ZNF362: variants seen among roughly 807,000 people sequenced by gnomAD.
The protein encoded by ZNF362 is rotund homolog.
Under a neutral mutation model 42.9 loss-of-function variants are expected in ZNF362, and 11 were observed. The ratio of observed to expected loss-of-function variants is 0.26; its 90% CI spans 0.16 to 0.42. ZNF362 has a LOEUF of 0.42. ZNF362 is among the 20% of genes least tolerant of loss of function. The probability of loss-of-function intolerance (pLI) is 1.00; values close to 1 mark genes in which losing one functional copy is unlikely to be tolerated. For synonymous variants in ZNF362, 255 were observed against 257.3 expected, an observed-to-expected ratio of 0.99 and a Z score of 0.09; for missense variants, 362 against 576.2, an observed-to-expected ratio of 0.63 and a Z score of 3.81.
intron 8 of ZNF362, among the ~76,000 whole-genome samples, chr1:33,296,447 C>T (rs1646125107): frequency 6.6e-6 from 1 of 152,146 alleles, no homozygotes; most frequent in South Asian, 2.1e-4. Flanking sequence ...CCTGCCACTC[C>T]TGGGTTCTCA....
chr1:33,187,952 G>A, the ZNF362 span, among the ~76,000 whole-genome samples: 2 of 152,132 alleles, frequency 1.3e-5, no homozygotes, highest in South Asian at 4.1e-4. Context: ...ACATGTAAGG[G>A]AGGCAGGGTG....
chr1:33,154,996 G>A, the ZNF362 span, among the ~76,000 whole-genome samples: 4 of 149,790 alleles, frequency 2.7e-5, no homozygotes, highest in East Asian at 8.1e-4. Context: ...GGGAGGCTGA[G>A]GCGGGAGAAT....
chr1:33,289,582 C>T lies in ZNF362; in HGVS notation c.909-5355C>T, dbSNP rs546488652. On this transcript the variant is annotated intron_variant, in intron 6 of 8. Coordinates refer to ENST00000539719, the MANE Select transcript of ZNF362 (RefSeq NM_152493.3). ...GGAGCTGAATCCACTGGAGGACTGT[C>T]GGTCAGTCAGTGAGCAAACCCTCAT... is the stretch of plus-strand genomic sequence containing the variant. Among the ~76,000 whole-genome samples the T allele has an allele frequency of 1.2e-4, 19 of 152,248 alleles. No homozygotes were observed. The South Asian group carries it at 3.1e-3, about 25-fold the overall frequency.
At chr1:33,134,978 TC>T in the ZNF362 span, among the ~76,000 whole-genome samples, 1 of 152,134 alleles carries the variant, frequency 6.6e-6, no homozygotes, top group Non-Finnish European at 1.5e-5. Context: ...ATGACCACCC[TC>T]CTTCCCTGAT....
intron 1 of ZNF362, among the ~76,000 whole-genome samples, chr1:33,263,569 C>T (rs965429689): frequency 1.3e-5 from 2 of 152,166 alleles, no homozygotes; most frequent in East Asian, 1.9e-4. Context: ...TGCCACCACA[C>T]CCGGCTAATC....
chr1:33,159,573 A>C, the ZNF362 span: 2 of 1,396,376 alleles, frequency 1.4e-6, no homozygotes, highest in Non-Finnish European at 1.9e-6. The surrounding 1 kb of genome is among the most constrained non-coding windows in gnomAD (Gnocchi z 4.2). Flanking sequence ...TGTTTGATGA[A>C]GATTTGAATG....
At chr1:33,241,046 G>C in the ZNF362 span, among the ~76,000 whole-genome samples, 1 of 150,644 alleles carries the variant, frequency 6.6e-6, no homozygotes. Flanking sequence ...TCCAAAGGGG[G>C]AATCTGTTGA....
In ZNF362 at chr1:33,273,705, G is replaced by A. The variant is rs115230553; in HGVS notation, c.39-2395G>A. Among the ~76,000 whole-genome samples the A allele has an allele frequency of 3.0e-3, 464 of 152,266 alleles. 1 individual carries two copies. The highest frequency in any genetic ancestry group is 0.01 in the African/African-American group (434 of 41,558). ...TTCTCATGCATGTGGCCTGAGCAAG[G>A]TGCCTCCCTCCTGGTGCCCTTGTTT... is the stretch of plus-strand genomic sequence containing the variant. On this transcript the variant is annotated intron_variant, in intron 2 of 8. Coordinates refer to ENST00000539719, the MANE Select transcript of ZNF362 (RefSeq NM_152493.3).
At chr1:33,185,552 T>G in the ZNF362 span, among the ~76,000 whole-genome samples, 2 of 152,158 alleles carry the variant, frequency 1.3e-5, no homozygotes, top group Non-Finnish European at 2.9e-5. Flanking sequence ...TACTTCCCAG[T>G]GTTCAGTCCT....
chr1:33,213,493 T>TTTA, the ZNF362 span, among the ~76,000 whole-genome samples: 1 of 152,094 alleles, frequency 6.6e-6, no homozygotes, highest in Non-Finnish European at 1.5e-5. Context: ...TGTTGGTGAA[T>TTTA]TTAAATAAGT....
In ZNF362 at chr1:33,294,846, G is replaced by C; in HGVS notation, c.909-91G>C. The C allele has an allele frequency of 6.9e-7, 1 of 1,440,574 alleles. No individual in the cohort carries two copies. The highest frequency in any genetic ancestry group is 9.7e-7 in the Non-Finnish European group (1 of 1,030,300). The allele number at this position is 1,440,574 out of a possible 1,614,324, so 89.2% of individuals were successfully genotyped here. A position where few individuals can be genotyped will look rare whatever the true frequency, so the allele number is the denominator to read the frequency against. ...GGAGCATGGGCAGGGTAGGGACCGA[G>C]AGGCTTAGGGGCCAGAGTAAGGACT... On this transcript the variant is annotated intron_variant, in intron 6 of 8. Coordinates refer to ENST00000539719, the MANE Select transcript of ZNF362 (RefSeq NM_152493.3). The surrounding 1 kb of genome is among the most constrained non-coding windows in gnomAD (Gnocchi z 4.2).
the ZNF362 span, among the ~76,000 whole-genome samples, chr1:33,148,306 A>C: frequency 6.6e-6 from 1 of 152,220 alleles, no homozygotes; most frequent in Non-Finnish European, 1.5e-5. Flanking sequence ...ATAAGAAACT[A>C]TAACCTAACT....
At chr1:33,197,993 G>A in the ZNF362 span, among the ~76,000 whole-genome samples, 1 of 152,186 alleles carries the variant, frequency 6.6e-6, no homozygotes, top group South Asian at 2.1e-4. Context: ...TTTAACTCTT[G>A]ACTAAATGCT....
At chr1:33,147,600 A>G in the ZNF362 span, 2 of 1,614,080 alleles carry the variant, frequency 1.2e-6, no homozygotes, top group East Asian at 2.2e-5. This position sits in a 1 kb window ranked among gnomAD's most constrained non-coding sequence, Gnocchi z 8.1. Flanking sequence ...ACACCTCCAC[A>G]TCGAAGCGCT....
chr1:33,280,171 AGCGCGGGCGCGG>A lies in ZNF362; in HGVS notation c.400_411del (p.Ala134_Gly137del), dbSNP rs761245001. The A allele has an allele frequency of 6.2e-7, 1 of 1,610,228 alleles. No homozygotes were observed. Among genetic ancestry groups the A allele is most frequent in the South Asian group, 1.1e-5 (1 of 90,582 alleles). ...CCCGTCTGTGAGCACTTCTGAGTCA[AGCGCGGGCGCGG>A]GCACGGGCACGGGTACCAGCACCCC... On this transcript the variant is annotated inframe_deletion, in exon 5 of 9. Coordinates refer to ENST00000539719, the MANE Select transcript of ZNF362 (RefSeq NM_152493.3). The surrounding 1 kb of genome is among the most constrained non-coding windows in gnomAD (Gnocchi z 5.6).
chr1:33,235,036 T>C, the ZNF362 span, among the ~76,000 whole-genome samples: 3 of 152,104 alleles, frequency 2.0e-5, no homozygotes, highest in Non-Finnish European at 2.9e-5. Context: ...GATGCTTGAC[T>C]CTCCTCTGTT....
chr1:33,138,640 A>AAAAAAAAAAAAG, the ZNF362 span, among the ~76,000 whole-genome samples: 1 of 149,418 alleles, frequency 6.7e-6, no homozygotes, highest in Non-Finnish European at 1.5e-5. Context: ...AAAAAAAAAA[A>AAAAAAAAAAAAG]AAAAAGAAAA....
the ZNF362 span, among the ~76,000 whole-genome samples, chr1:33,184,946 A>G: frequency 4.0e-5 from 6 of 151,872 alleles, no homozygotes; most frequent in Admixed American, 3.9e-4. Context: ...ATGCCTGGCT[A>G]ATTTTTGTAT....
At chr1:33,175,001 GTATGTATATGTA>G in the ZNF362 span, among the ~76,000 whole-genome samples, 4 of 135,646 alleles carry the variant, frequency 2.9e-5, no homozygotes, top group Admixed American at 7.5e-5. Flanking sequence ...ACACACACAT[GTATGTATATGTA>G]TATGTATATG....
Sources: allele counts gnomAD v4.1 joint callset (sites outside exome capture counted in the v4.1 genomes callset), GRCh38; gene constraint gnomAD v4.1.1; non-coding constraint Gnocchi (gnomAD v3.1); transcripts MANE v1.5; gene names NCBI Gene and HGNC (gene_info 2026-07-23, HGNC 2026-07-21).